FAT3: variants seen among roughly 807,000 people sequenced by gnomAD.
FAT3 encodes FAT atypical cadherin 3.
In FAT3, 95 loss-of-function variants were observed where a neutral mutation model predicts 310.2. The ratio of observed to expected loss-of-function variants is 0.31; its 90% confidence interval spans 0.26 to 0.36. FAT3 has a LOEUF of 0.36. Among genes scored for constraint, FAT3 ranks in the 10% least tolerant of loss-of-function variants. The probability of loss-of-function intolerance (pLI) is 1.00; values close to 1 mark genes in which losing one functional copy is unlikely to be tolerated. For synonymous variants in FAT3, 2,314 were observed against 2,192.9 expected, an observed-to-expected ratio of 1.06 and a Z score of -1.54; for missense variants, 5,408 against 5,715.6, an observed-to-expected ratio of 0.95 and a Z score of 1.74.
At chr11:92,652,927 C>T (rs1942439269) in intron 3 of FAT3, among the ~76,000 whole-genome samples, 1 of 152,178 alleles carries the variant, frequency 6.6e-6, no homozygotes, top group South Asian at 2.1e-4. Context: ...GTTTGGGAAG[C>T]CGAGGCGGGT....
At position 92,798,894 on chromosome 11, in the gene FAT3, A is replaced by G; in HGVS notation, c.5881A>G (p.Lys1961Glu). ...YMLIVKVSDG[K>E]FYSTSMVTIM... is the part of the protein sequence containing the mutation. ...GCTGATAGTTAAGGTGTCTGATGGA[A>G]AGTTCTACAGTACCTCCATGGTCAC... is the stretch of plus-strand genomic sequence containing the variant. The change falls in exon 10 of 28, where the codon AAG becomes GAG. Residue 1961 changes from lysine (K) to glutamate (E), a missense_variant. Lys to Glu is a moderately conservative substitution (Grantham distance 56). Transcript: ENST00000525166. 6.2e-7 allele frequency: 1 copy of G among 1,613,972 alleles called. No individual in the cohort carries two copies. The highest frequency in any genetic ancestry group is 8.5e-7 in the Non-Finnish European group (1 of 1,179,870).
chr11:92,765,134 G>A, intron 6 of FAT3, 45 bp downstream of exon 6: 10 of 1,302,044 alleles, frequency 7.7e-6, no homozygotes, highest in South Asian at 1.7e-5. Context: ...TGTAATAATT[G>A]ACTGAAGCAA....
intron 1 of FAT3, among the ~76,000 whole-genome samples, chr11:92,246,478 C>T (rs548832907): frequency 9.0e-4 from 137 of 152,096 alleles, no homozygotes; most frequent in African/African-American, 3.2e-3. Context: ...CAGTGTGCAG[C>T]TGGTATACCT....
At chr11:92,326,913 G>A (rs1947783424) in intron 1 of FAT3, among the ~76,000 whole-genome samples, 2 of 152,172 alleles carry the variant, frequency 1.3e-5, no homozygotes, top group Admixed American at 6.5e-5. Context: ...GCTTTCTGGA[G>A]TCAGCATTCA....
At chr11:92,653,221 C>T (rs1014469056) in intron 3 of FAT3, among the ~76,000 whole-genome samples, 11 of 112,370 alleles carry the variant, frequency 9.8e-5, no homozygotes, top group South Asian at 2.4e-4. Context: ...TGTGTGTGCT[C>T]GCATGCGTGT....
chr11:92,320,435 G>GAA (rs35184633), intron 1 of FAT3, among the ~76,000 whole-genome samples: 58 of 150,088 alleles, frequency 3.9e-4, no homozygotes, highest in Admixed American at 1.3e-3. Context: ...AAGGCCTAAA[G>GAA]AAAAAAAAAA....
At chr11:92,595,824 T>G in intron 3 of FAT3, among the ~76,000 whole-genome samples, 1 of 152,190 alleles carries the variant, frequency 6.6e-6, no homozygotes, top group South Asian at 2.1e-4. Flanking sequence ...GCCATTCATG[T>G]TTTGCGGGAA....
intron 4 of FAT3, among the ~76,000 whole-genome samples, chr11:92,743,463 A>G (rs772445027): frequency 9.9e-5 from 15 of 152,240 alleles, no homozygotes; most frequent in Non-Finnish European, 1.9e-4. Flanking sequence ...CACCAAGGGT[A>G]GAGAAGGGAC....
chr11:92,341,461 G>A (rs996010502), intron 1 of FAT3, among the ~76,000 whole-genome samples: 1 of 152,166 alleles, frequency 6.6e-6, no homozygotes, highest in Non-Finnish European at 1.5e-5. Context: ...TAACCTTAAT[G>A]GGGAATACGG....
intron 3 of FAT3, among the ~76,000 whole-genome samples, chr11:92,686,391 T>C (rs566639998): frequency 2.6e-5 from 4 of 152,296 alleles, no homozygotes; most frequent in Non-Finnish European, 2.9e-5. Flanking sequence ...GTTGTTAAAA[T>C]TGAAGTGCTC....
chr11:92,373,850 A>C (rs1391248724), intron 2 of FAT3, among the ~76,000 whole-genome samples: 5 of 151,398 alleles, frequency 3.3e-5, no homozygotes, highest in Non-Finnish European at 1.5e-5. Context: ...ATGAGAGGAG[A>C]TTAATTAGGG....
intron 21 of FAT3, among the ~76,000 whole-genome samples, chr11:92,860,038 C>T (rs897494836): frequency 6.6e-6 from 1 of 152,124 alleles, no homozygotes; most frequent in Non-Finnish European, 1.5e-5. Flanking sequence ...CCTGTCTCTA[C>T]TAAAAATACA....
intron 4 of FAT3, among the ~76,000 whole-genome samples, chr11:92,715,584 C>T (rs909410469): frequency 2.0e-5 from 3 of 151,966 alleles, no homozygotes; most frequent in African/African-American, 4.8e-5. Context: ...TACACACACA[C>T]GTACTTCCAG....
At chr11:92,767,886 C>A (rs1946356164) in intron 6 of FAT3, among the ~76,000 whole-genome samples, 1 of 152,198 alleles carries the variant, frequency 6.6e-6, no homozygotes, top group Non-Finnish European at 1.5e-5. Context: ...CTATGCTAAC[C>A]CTACTGATGC....
intron 2 of FAT3, among the ~76,000 whole-genome samples, chr11:92,458,980 A>G (rs920315000): frequency 6.6e-6 from 1 of 152,224 alleles, no homozygotes; most frequent in Non-Finnish European, 1.5e-5. Context: ...ATTTGCAACT[A>G]CTTATTATAA....
chr11:92,867,710 T>A (rs1233140822), intron 22 of FAT3, among the ~76,000 whole-genome samples: 1 of 152,166 alleles, frequency 6.6e-6, no homozygotes, highest in East Asian at 1.9e-4. Flanking sequence ...CCCCCAGGAA[T>A]AGGAGATCTT....
At chr11:92,695,736 A>G (rs971879229) in intron 3 of FAT3, among the ~76,000 whole-genome samples, 7 of 152,174 alleles carry the variant, frequency 4.6e-5, no homozygotes, top group Admixed American at 1.3e-4. Flanking sequence ...GGCCCATCCC[A>G]TGAAGTAACT....
intron 13 of FAT3, among the ~76,000 whole-genome samples, chr11:92,827,171 G>A (rs1728812392): frequency 6.6e-6 from 1 of 152,196 alleles, no homozygotes; most frequent in Admixed American, 6.5e-5. Flanking sequence ...ACTGTAAGCT[G>A]TATGTGTGAA....
chr11:92,666,375 G>A (rs965521521), intron 3 of FAT3, among the ~76,000 whole-genome samples: 8 of 142,916 alleles, frequency 5.6e-5, no homozygotes, highest in African/African-American at 2.1e-4. Flanking sequence ...TTTTTGAGAC[G>A]GAATCTCGCT....
Sources: gnomAD v4.1 joint callset for allele counts (sites outside exome capture counted in the v4.1 genomes callset) on GRCh38, gnomAD v4.1.1 for gene constraint, MANE v1.5 for transcripts, NCBI Gene and HGNC (gene_info 2026-07-23, HGNC 2026-07-21) for gene names.